The following TMEM71 variants were observed in gnomAD, a reference collection of about 807,000 sequenced individuals.
TMEM71 encodes the protein transmembrane protein 71.
TMEM71 carries 44 observed loss-of-function variants against 38.0 expected under a neutral mutation model. That is an observed-to-expected ratio of 1.16 (90% CI 0.91 to 1.49). The LOEUF is 1.49. Ranked by LOEUF, TMEM71 falls within the 40% of genes most tolerant of loss-of-function variation. The probability of loss-of-function intolerance (pLI) is 0.00; values close to 1 mark genes in which losing one functional copy is unlikely to be tolerated. For missense variants in TMEM71, 367 were observed against 348.6 expected, an observed-to-expected ratio of 1.05 and a Z score of -0.42; for synonymous variants, 133 against 122.5, an observed-to-expected ratio of 1.09 and a Z score of -0.56.
At chr8:132,752,811 G>A in intron 3 of TMEM71, among the ~76,000 whole-genome samples, 1 of 142,318 alleles carries the variant, frequency 7.0e-6, no homozygotes, top group African/African-American at 2.6e-5. Flanking sequence ...AAGGAAGAAA[G>A]GAAGAAGGGA....
chr8:132,728,939 C>G (rs907643689), intron 5 of TMEM71, among the ~76,000 whole-genome samples: 1 of 152,072 alleles, frequency 6.6e-6, no homozygotes, highest in East Asian at 1.9e-4. Context: ...ATATAGCAAC[C>G]ATCTGTTTAA....
chr8:132,752,896 T>TG (rs1382284133), intron 3 of TMEM71, among the ~76,000 whole-genome samples: 1 of 149,724 alleles, frequency 6.7e-6, no homozygotes, highest in Non-Finnish European at 1.5e-5. Context: ...AGGAATCACA[T>TG]GGCCCTATAA....
chr8:132,746,466 T>TATATATATAC (rs1273051369), intron 5 of TMEM71, among the ~76,000 whole-genome samples: 1 of 16,148 alleles, frequency 6.2e-5, no homozygotes, highest in Admixed American at 9.1e-4. Context: ...TATATATACA[T>TATATATATAC]ATATATATAC....
downstream of TMEM71, among the ~76,000 whole-genome samples, chr8:132,709,195 C>T (rs993869170): frequency 6.6e-6 from 1 of 152,110 alleles, no homozygotes; most frequent in African/African-American, 2.4e-5. Flanking sequence ...AATGGAAGTT[C>T]TCCTAATAGT....
the TMEM71 span, chr8:132,775,424 C>T: frequency 5.2e-6 from 2 of 385,394 alleles, no homozygotes; most frequent in African/African-American, 2.1e-5. Flanking sequence ...GCGGCGGCGG[C>T]GATGGCAGCG....
rs1404770125 is a variant in TMEM71 at position 132,735,453 on chromosome 8, A to G, written c.488-7467T>C. Among the ~76,000 whole-genome samples the G allele has an allele frequency of 2.6e-5, 4 of 152,198 alleles. No individual in the cohort carries two copies. The East Asian group carries it at 7.7e-4, about 29-fold the overall frequency. ...GAAAAATAAATTGCTGATAAAAGTCACGGGGCCTTGGGTAAATCTGGAAAG... is the reference window on the plus strand; with the variant it reads ...GAAAAATAAATTGCTGATAAAAGTCGCGGGGCCTTGGGTAAATCTGGAAAG... On this transcript the variant is annotated intron_variant, in intron 5 of 9. Transcript: ENST00000677595.
At chr8:132,724,722 A>T (rs1225918700) in intron 6 of TMEM71, among the ~76,000 whole-genome samples, 1 of 152,220 alleles carries the variant, frequency 6.6e-6, no homozygotes, top group African/African-American at 2.4e-5. Context: ...AGAGAGGCAT[A>T]ACAAATTATG....
rs577388923 is a variant in TMEM71, at chr8:132,736,395, T to C, written c.488-8409A>G. ...GAGAGGAAGAGGCAGCCTCAGAAAA[T>C]CATGAGTGGGTGGGGTAGGAGATGG... is the stretch of plus-strand genomic sequence containing the variant. On this transcript the variant is annotated intron_variant, in intron 5 of 9. Transcript: ENST00000677595. 6.6e-5 allele frequency among the ~76,000 whole-genome samples: 10 copies of C among 151,770 alleles called. No homozygotes were observed. The South Asian group carries it at 2.1e-3, about 32-fold the overall frequency.
intron 2 of TMEM71, 179 bp downstream of exon 2, chr8:132,758,661 C>T: frequency 7.3e-6 from 4 of 544,262 alleles, no homozygotes; most frequent in Non-Finnish European, 9.8e-6. Flanking sequence ...TACCACATTT[C>T]TTTCAAGGAA....
chr8:132,742,626 G>A (rs944856075), intron 5 of TMEM71, among the ~76,000 whole-genome samples: 8 of 152,228 alleles, frequency 5.3e-5, no homozygotes, highest in Non-Finnish European at 1.0e-4. Context: ...GCTTGGAAGA[G>A]TGTTGTGTTT....
At position 132,749,937 on chromosome 8, in the gene TMEM71, C is replaced by T. The variant is rs1828602765; in HGVS notation, c.314+1848G>A. On this transcript the variant is annotated intron_variant, in intron 4 of 9. Transcript: ENST00000677595. ...GCGGAGGCAGAAGAATCGCTTGAAC[C>T]AGGGAGTCGGAGGTTGCAGTGAGCA... is the stretch of plus-strand genomic sequence containing the variant. 2.0e-5 allele frequency among the ~76,000 whole-genome samples: 3 copies of T among 148,496 alleles called. 1 individual carries two copies. In the South Asian group the frequency reaches 6.3e-4, roughly 31 times the overall value.
downstream of TMEM71, among the ~76,000 whole-genome samples, chr8:132,708,333 T>G (rs1408508997): frequency 6.6e-6 from 1 of 152,194 alleles, no homozygotes; most frequent in East Asian, 1.9e-4. Context: ...CCACTCCAAG[T>G]AGTGGGGCTC....
chr8:132,775,396 CCGGCGGCGGAGG>C, the TMEM71 span: 2 of 379,814 alleles, frequency 5.3e-6, no homozygotes, highest in East Asian at 7.8e-5. Flanking sequence ...TCAGGGCTGG[CCGGCGGCGGAGG>C]CGGCGGCGGC....
chr8:132,758,094 G>A (rs529627315), intron 2 of TMEM71: 1 of 152,146 alleles, frequency 6.6e-6, no homozygotes, highest in East Asian at 1.9e-4. Flanking sequence ...AAGAAATAAA[G>A]TTTTGTTTTG....
At chr8:132,712,187 T>A (rs546122478) in intron 9 of TMEM71, among the ~76,000 whole-genome samples, 1 of 152,230 alleles carries the variant, frequency 6.6e-6, no homozygotes, top group South Asian at 2.1e-4. Flanking sequence ...AATGCAAATG[T>A]GTGTGTATAT....
chr8:132,718,943 A>G (rs1477863535), intron 7 of TMEM71, among the ~76,000 whole-genome samples: 1 of 152,266 alleles, frequency 6.6e-6, no homozygotes, highest in Non-Finnish European at 1.5e-5. Flanking sequence ...AGAAAATATC[A>G]TCAGAAAAAT....
At chr8:132,746,271 A>G (rs1828338209) in intron 5 of TMEM71, among the ~76,000 whole-genome samples, 1 of 149,972 alleles carries the variant, frequency 6.7e-6, no homozygotes, top group Non-Finnish European at 1.5e-5. Context: ...ATTAATATTA[A>G]TGTTATTACA....
At chr8:132,708,474 C>T (rs1826126821), downstream of TMEM71, among the ~76,000 whole-genome samples, 1 of 152,186 alleles carries the variant, frequency 6.6e-6, no homozygotes, top group Non-Finnish European at 1.5e-5. Flanking sequence ...CATGTAATGA[C>T]ATTAGCACAA....
upstream of TMEM71, among the ~76,000 whole-genome samples, chr8:132,762,242 A>C (rs1176502098): frequency 6.6e-6 from 1 of 152,164 alleles, no homozygotes; most frequent in Non-Finnish European, 1.5e-5. Flanking sequence ...CATCTGCCTA[A>C]ATTTAACAGA....
Sources: gnomAD v4.1 joint callset for allele counts (sites outside exome capture counted in the v4.1 genomes callset) on GRCh38, gnomAD v4.1.1 for gene constraint, MANE v1.5 for transcripts, NCBI Gene and HGNC (gene_info 2026-07-23, HGNC 2026-07-21) for gene names.